ZNF423: variants seen among roughly 807,000 people sequenced by gnomAD.
ZNF423 encodes the protein Ebf-associated zinc finger protein.
Under a neutral mutation model 95.8 loss-of-function variants are expected in ZNF423, and 12 were observed. The ratio of observed to expected loss-of-function variants is 0.13; its 90% CI spans 0.08 to 0.20. The LOEUF (loss-of-function observed/expected upper bound fraction) is 0.20, where lower values mean the gene tolerates loss of function less well. Ranked by LOEUF, ZNF423 falls within the 10% of genes least tolerant of loss-of-function variation. ZNF423 has a pLI of 1.00. For missense variants in ZNF423, 1,316 were observed against 1,737.1 expected, an observed-to-expected ratio of 0.76 and a Z score of 4.31; for synonymous variants, 749 against 711.9, an observed-to-expected ratio of 1.05 and a Z score of -0.83.
intron 3 of ZNF423, among the ~76,000 whole-genome samples, chr16:49,714,706 A>T (rs1367846469): frequency 6.6e-6 from 1 of 151,812 alleles, no homozygotes; most frequent in Non-Finnish European, 1.5e-5. Flanking sequence ...AGATGGGTGG[A>T]TTGCTTGAGT....
intron 2 of ZNF423, among the ~76,000 whole-genome samples, chr16:49,781,259 T>C (rs562686202): frequency 6.6e-6 from 1 of 152,318 alleles, no homozygotes; most frequent in South Asian, 2.1e-4. Flanking sequence ...ATGTTCATCA[T>C]GGCATTATTT....
At chr16:49,619,575 G>A (rs1971987918) in intron 5 of ZNF423, among the ~76,000 whole-genome samples, 1 of 146,404 alleles carries the variant, frequency 6.8e-6, no homozygotes, top group Non-Finnish European at 1.5e-5. Flanking sequence ...TAGTTTGGGG[G>A]TTTGGCAACG....
At chr16:49,515,002 C>T (rs778562953) in intron 7 of ZNF423, among the ~76,000 whole-genome samples, 1 of 152,232 alleles carries the variant, frequency 6.6e-6, no homozygotes, top group African/African-American at 2.4e-5. Flanking sequence ...AAGTTCTATT[C>T]CCCCATGACA....
At position 49,528,812 on chromosome 16, in the gene ZNF423, G is replaced by GTGTAGTTAT. The variant is rs563478468; in HGVS notation, c.3602-3319_3602-3318insATAACTACA. ...GGGCGGGGAGGGGCTGCCCTAGTTA[G>GTGTAGTTAT]TGTGACAAACACTCCTTTGCGTGCT... is the stretch of plus-strand genomic sequence containing the variant. On this transcript the variant is annotated intron_variant, in intron 5 of 7. Coordinates refer to ENST00000563137, the MANE Select transcript of ZNF423 (RefSeq NM_001379286.1). Among the ~76,000 whole-genome samples the GTGTAGTTAT allele has an allele frequency of 5.5e-3, 838 of 152,192 alleles. 1 individual carries two copies. The highest frequency in any genetic ancestry group is 9.9e-3 in the Admixed American group (151 of 15,286).
intron 3 of ZNF423, among the ~76,000 whole-genome samples, chr16:49,699,584 A>T (rs2032099576): frequency 6.6e-6 from 1 of 152,130 alleles, no homozygotes. Context: ...ATGTGTTTTC[A>T]AAAGAATCTA....
At chr16:49,748,868 A>T (rs955236276) in intron 2 of ZNF423, among the ~76,000 whole-genome samples, 1 of 152,158 alleles carries the variant, frequency 6.6e-6, no homozygotes, top group Non-Finnish European at 1.5e-5. Context: ...TCTTCTGAGC[A>T]TCGAGGTGCT....
intron 5 of ZNF423, among the ~76,000 whole-genome samples, chr16:49,566,602 G>A (rs1244702354): frequency 2.6e-5 from 4 of 152,186 alleles, no homozygotes; most frequent in South Asian, 2.1e-4. Flanking sequence ...GAATTGATAC[G>A]GCAGCAGCTG....
chr16:49,745,859 ACT>A (rs1027790517), intron 2 of ZNF423, among the ~76,000 whole-genome samples: 2 of 151,884 alleles, frequency 1.3e-5, no homozygotes, highest in Non-Finnish European at 2.9e-5. Context: ...GCAGGAAAGG[ACT>A]CTCTATGGGG....
chr16:49,590,215 C>T (rs750699198), intron 5 of ZNF423, among the ~76,000 whole-genome samples: 26 of 151,776 alleles, frequency 1.7e-4, no homozygotes, highest in Non-Finnish European at 3.5e-4. Context: ...TAACCTAATT[C>T]TCCTCCAACC....
At chr16:49,818,841 C>T (rs1002681635) in intron 1 of ZNF423, among the ~76,000 whole-genome samples, 1 of 152,128 alleles carries the variant, frequency 6.6e-6, no homozygotes, top group African/African-American at 2.4e-5. Context: ...GAGCTGTAAC[C>T]ATGCCAGTGT....
Position 49,636,672 on chromosome 16 carries a change from CGCAGGTGCTTCTCCA to C in ZNF423, c.2489_2503del (p.Leu830_Leu834del). The C allele has an allele frequency of 6.2e-7, 1 of 1,614,064 alleles. No individual in the cohort carries two copies. Among genetic ancestry groups the C allele is most frequent in the Non-Finnish European group, 8.5e-7 (1 of 1,180,022 alleles). On this transcript the variant is annotated inframe_deletion, in exon 4 of 8. Coordinates refer to ENST00000563137, the MANE Select transcript of ZNF423 (RefSeq NM_001379286.1). The surrounding 1 kb of genome is among the most constrained non-coding windows in gnomAD (Gnocchi z 8.6). ...AGCATCAAACACACAGTGCTTCTCCCGCAGGTGCTTCTCCAGCAGGATGATGGCGTGGAAGGCCTT... is the reference window on the plus strand; with the variant it reads ...AGCATCAAACACACAGTGCTTCTCCCGCAGGATGATGGCGTGGAAGGCCTT...
At chr16:49,514,590 G>A (rs369835214) in intron 7 of ZNF423, among the ~76,000 whole-genome samples, 1 of 152,268 alleles carries the variant, frequency 6.6e-6, no homozygotes, top group African/African-American at 2.4e-5. Flanking sequence ...GGCAGAGCCC[G>A]GCTCACCCTA....
intron 5 of ZNF423, among the ~76,000 whole-genome samples, chr16:49,574,173 C>T (rs768452134): frequency 7.2e-5 from 11 of 152,190 alleles, no homozygotes; most frequent in Non-Finnish European, 1.2e-4. Context: ...TGCTTGAGGT[C>T]AGGAGTTCAA....
intron 1 of ZNF423, among the ~76,000 whole-genome samples, chr16:49,831,535 G>A (rs2035060951): frequency 6.6e-6 from 1 of 152,138 alleles, no homozygotes; most frequent in Admixed American, 6.5e-5. Context: ...GAGCTGCTGT[G>A]AGAACAGCAT....
At chr16:49,609,499 G>C (rs1007793399) in intron 5 of ZNF423, among the ~76,000 whole-genome samples, 2 of 151,980 alleles carry the variant, frequency 1.3e-5, no homozygotes, top group Admixed American at 6.6e-5. Flanking sequence ...AAAAAAAGAA[G>C]TCCAGCAAAG....
chr16:49,585,665 G>C (rs893050353), intron 5 of ZNF423, among the ~76,000 whole-genome samples: 2 of 152,216 alleles, frequency 1.3e-5, no homozygotes, highest in African/African-American at 2.4e-5. Context: ...CCGGCTGACT[G>C]TTCAAAGGCA....
intron 5 of ZNF423, among the ~76,000 whole-genome samples, chr16:49,531,493 C>A (rs557811961): frequency 1.2e-4 from 18 of 152,110 alleles, no homozygotes; most frequent in African/African-American, 3.9e-4. Flanking sequence ...CCACAAATAG[C>A]GCAGAACAGG....
At chr16:49,792,819 G>T (rs1260954786) in intron 1 of ZNF423, among the ~76,000 whole-genome samples, 1 of 152,198 alleles carries the variant, frequency 6.6e-6, no homozygotes, top group Admixed American at 6.5e-5. Context: ...GAGTGCAGTG[G>T]TGCGATCATA....
intron 5 of ZNF423, among the ~76,000 whole-genome samples, chr16:49,616,377 T>C (rs1971876229): frequency 6.6e-6 from 1 of 152,008 alleles, no homozygotes; most frequent in Non-Finnish European, 1.5e-5. Flanking sequence ...TACAAAAATA[T>C]AGTTCGACAG....
Sources: gnomAD v4.1 joint callset for allele counts (sites outside exome capture counted in the v4.1 genomes callset) on GRCh38, gnomAD v4.1.1 for gene constraint, Gnocchi (gnomAD v3.1) non-coding constraint, MANE v1.5 for transcripts, NCBI Gene and HGNC (gene_info 2026-07-23, HGNC 2026-07-21) for gene names.